PPP1R1C: variants seen among roughly 807,000 people sequenced by gnomAD.
PPP1R1C encodes protein phosphatase 1 regulatory inhibitor subunit 1C, also known as protein phosphatase 1 regulatory subunit 1C.
Under a neutral mutation model 17.4 loss-of-function variants are expected in PPP1R1C, and 15 were observed. The observed-to-expected ratio is 0.86, with a 90% confidence interval of 0.58 to 1.33. The LOEUF is 1.33. Ranked by LOEUF, PPP1R1C falls within the 40% of genes most tolerant of loss-of-function variation. The pLI, the probability that PPP1R1C is intolerant of heterozygous loss-of-function variation, is 0.00. For missense variants in PPP1R1C, 143 were observed against 130.0 expected (o/e 1.10, Z -0.48); for synonymous variants, 35 against 43.1 (o/e 0.81, Z 0.73).
At chr2:182,113,587 G>A (rs1389809569) in intron 4 of PPP1R1C, among the ~76,000 whole-genome samples, 1 of 151,922 alleles carries the variant, frequency 6.6e-6, no homozygotes, top group East Asian at 1.9e-4. Flanking sequence ...CAGGAGCTCT[G>A]TGCCTAGAAA....
intron 4 of PPP1R1C, among the ~76,000 whole-genome samples, chr2:182,097,570 C>A (rs1688979110): frequency 6.6e-6 from 1 of 152,144 alleles, no homozygotes; most frequent in African/African-American, 2.4e-5. Context: ...CCCCTTTAGT[C>A]TTTCCATGAA....
At chr2:182,120,372 G>A (rs915479207), downstream of PPP1R1C, among the ~76,000 whole-genome samples, 1 of 152,052 alleles carries the variant, frequency 6.6e-6, no homozygotes, top group Non-Finnish European at 1.5e-5. Context: ...CCAGGAGCTG[G>A]TTTTTTGAAA....
intron 2 of PPP1R1C, among the ~76,000 whole-genome samples, chr2:182,040,126 T>G (rs553814064): frequency 5.3e-5 from 8 of 152,192 alleles, no homozygotes; most frequent in Non-Finnish European, 8.8e-5. Flanking sequence ...TGCATGTGGG[T>G]GCTTTTTGAT....
At position 182,035,697 on chromosome 2, in the gene PPP1R1C, C is replaced by G. The variant is rs10202990; in HGVS notation, c.143-25745C>G. ...CTCATGCTGGCCAAGTGAAGATGCA[C>G]TTGCTACCCCTTTGCCTTCTGCCGT... On this transcript the variant is annotated intron_variant, in intron 2 of 4. Coordinates refer to ENST00000682840, the MANE Select transcript of PPP1R1C (RefSeq NM_001080545.3). Among the ~76,000 whole-genome samples the G allele has an allele frequency of 2.6e-4, 40 of 152,192 alleles. No homozygotes were observed. The East Asian group carries it at 7.8e-3, about 30-fold the overall frequency.
At chr2:181,973,179 GAC>G (rs1685041861) in intron 1 of PPP1R1C, among the ~76,000 whole-genome samples, 1 of 152,080 alleles carries the variant, frequency 6.6e-6, no homozygotes, top group African/African-American at 2.4e-5. Context: ...AGACCACCAT[GAC>G]CAAGACACAG....
intron 2 of PPP1R1C, chr2:182,023,735 C>T (rs1686504685): frequency 6.6e-6 from 1 of 152,112 alleles, no homozygotes; most frequent in Non-Finnish European, 1.5e-5. Context: ...ATCTTCTCAC[C>T]TCAGCTTCTC....
intron 2 of PPP1R1C, chr2:182,031,057 C>T (rs1686816355): frequency 6.5e-6 from 1 of 153,848 alleles, no homozygotes; most frequent in Admixed American, 6.5e-5. Flanking sequence ...GGCAATGCCT[C>T]ACCCTGCTTC....
At chr2:181,993,149 G>A (rs1685514828) in intron 2 of PPP1R1C, among the ~76,000 whole-genome samples, 1 of 152,118 alleles carries the variant, frequency 6.6e-6, no homozygotes. Flanking sequence ...AAAACGCAAG[G>A]GGGCTCCAGA....
chr2:182,010,161 T>G (rs986686012), intron 2 of PPP1R1C, among the ~76,000 whole-genome samples: 28 of 151,938 alleles, frequency 1.8e-4, no homozygotes, highest in African/African-American at 6.8e-4. Flanking sequence ...CTGTGAAAAG[T>G]GTCATTGGTA....
At chr2:181,989,228 C>G (rs1026972375) in intron 2 of PPP1R1C, among the ~76,000 whole-genome samples, 7 of 152,126 alleles carry the variant, frequency 4.6e-5, no homozygotes, top group African/African-American at 1.7e-4. Flanking sequence ...GAGCAGTTTT[C>G]AGAGGTCTAT....
At chr2:182,055,711 T>C (rs1687663411) in intron 2 of PPP1R1C, among the ~76,000 whole-genome samples, 1 of 152,210 alleles carries the variant, frequency 6.6e-6, no homozygotes, top group African/African-American at 2.4e-5. Flanking sequence ...CCTTCTGGCT[T>C]CATGATTTCT....
intron 4 of PPP1R1C, among the ~76,000 whole-genome samples, chr2:182,083,888 T>C (rs1396251286): frequency 6.6e-6 from 1 of 152,192 alleles, no homozygotes; most frequent in Non-Finnish European, 1.5e-5. Context: ...ACCAGCAGTG[T>C]ATAAGCGTTC....
intron 2 of PPP1R1C, among the ~76,000 whole-genome samples, chr2:181,994,210 G>GCC (rs1685551489): frequency 1.3e-5 from 2 of 151,770 alleles, no homozygotes; most frequent in African/African-American, 4.8e-5. Flanking sequence ...TTTTCATAAG[G>GCC]TTATGAAAAA....
rs544831558 is a variant in PPP1R1C at position 182,100,628 on chromosome 2, ATTAT to A, written c.242-16577_242-16574del. On this transcript the variant is annotated intron_variant, in intron 4 of 4. Coordinates refer to ENST00000682840, the MANE Select transcript of PPP1R1C (RefSeq NM_001080545.3). ...ATTGAAAGATTACTTGGTCACTTCC[ATTAT>A]TAAGTGAAAACCAACACCCAGGAAA... 6.6e-5 allele frequency among the ~76,000 whole-genome samples: 10 copies of A among 152,264 alleles called. No individual in the cohort carries two copies. In the East Asian group the frequency reaches 1.9e-3, roughly 29 times the overall value.
Position 181,967,948 on chromosome 2 carries a change from C to T in PPP1R1C, n.112-7271C>T, listed in dbSNP as rs1684935132. On this transcript the variant is annotated intron_variant and non_coding_transcript_variant, in intron 1 of 5. Transcript: ENST00000464264. The surrounding 1 kb of genome is among the most constrained non-coding windows in gnomAD (Gnocchi z 5.5). Reference sequence around the variant, plus strand: ...CAAGCTGGTCTCAAACTCCCAATCTCAGGTGATCCACCCGCCTTGGTCTCC... The same window carrying T: ...CAAGCTGGTCTCAAACTCCCAATCTTAGGTGATCCACCCGCCTTGGTCTCC... Among the ~76,000 whole-genome samples, 1 of 152,208 alleles carries T rather than the reference C, an allele frequency of 6.6e-6. No individual in the cohort carries two copies. The highest frequency in any genetic ancestry group is 2.4e-5 in the African/African-American group (1 of 41,446).
At chr2:182,122,614 G>T (rs1178136563), downstream of PPP1R1C, among the ~76,000 whole-genome samples, 1 of 151,670 alleles carries the variant, frequency 6.6e-6, no homozygotes, top group African/African-American at 2.4e-5. Flanking sequence ...GGCTCTGTAG[G>T]GACAATGCAC....
At chr2:182,090,091 C>T (rs1688738508) in intron 4 of PPP1R1C, among the ~76,000 whole-genome samples, 1 of 151,984 alleles carries the variant, frequency 6.6e-6, no homozygotes, top group Non-Finnish European at 1.5e-5. Context: ...GATTCATTTT[C>T]CTTTAGTATA....
chr2:182,043,352 T>C (rs1189988924), intron 2 of PPP1R1C, among the ~76,000 whole-genome samples: 2 of 152,192 alleles, frequency 1.3e-5, no homozygotes, highest in African/African-American at 2.4e-5. Context: ...ATGGTTATTA[T>C]ATACTGAACT....
intron 4 of PPP1R1C, among the ~76,000 whole-genome samples, chr2:182,079,913 A>C (rs1374996771): frequency 6.6e-6 from 1 of 152,080 alleles, no homozygotes; most frequent in Non-Finnish European, 1.5e-5. Flanking sequence ...CTCTTCTTGT[A>C]AGTACATCAG....
Sources: gnomAD v4.1 joint callset for allele counts (sites outside exome capture counted in the v4.1 genomes callset) on GRCh38, gnomAD v4.1.1 for gene constraint, Gnocchi (gnomAD v3.1) non-coding constraint, MANE v1.5 for transcripts, NCBI Gene and HGNC (gene_info 2026-07-23, HGNC 2026-07-21) for gene names.